The following SBF2 variants were observed in gnomAD, a reference collection of about 807,000 sequenced individuals.
The protein encoded by SBF2 is SET binding factor 2, also known as myotubularin-related protein 13.
A neutral mutation model predicts 225.2 loss-of-function variants in SBF2; 112 were observed. The observed-to-expected ratio is 0.50, with a 90% CI of 0.43 to 0.58. The LOEUF (loss-of-function observed/expected upper bound fraction) is 0.58. Among genes scored for constraint, SBF2 ranks in the 20% least tolerant of loss-of-function variants. The pLI is 0.00. For missense variants in SBF2, 1,996 were observed against 2,206.2 expected, an observed-to-expected ratio of 0.90 and a Z score of 1.91; for synonymous variants, 763 against 773.3, an observed-to-expected ratio of 0.99 and a Z score of 0.22.
intron 2 of SBF2, among the ~76,000 whole-genome samples, chr11:10,076,693 G>C (rs1369140563): frequency 6.6e-6 from 1 of 152,236 alleles, no homozygotes; most frequent in African/African-American, 2.4e-5. Flanking sequence ...TGGACTTCAG[G>C]CAGGTCCCAC....
chr11:10,232,496 C>G (rs1197791586), intron 1 of SBF2, among the ~76,000 whole-genome samples: 4 of 152,092 alleles, frequency 2.6e-5, no homozygotes, highest in Admixed American at 1.3e-4. Context: ...AATACATAGA[C>G]CAAAATGTTA....
At chr11:9,898,223 G>A (rs934124672) in intron 16 of SBF2, among the ~76,000 whole-genome samples, 1 of 152,200 alleles carries the variant, frequency 6.6e-6, no homozygotes, top group Non-Finnish European at 1.5e-5. Flanking sequence ...TAGCCTAGAA[G>A]TGGCCATCTA....
intron 1 of SBF2, among the ~76,000 whole-genome samples, chr11:10,222,123 C>G (rs1958362124): frequency 6.6e-6 from 1 of 152,176 alleles, no homozygotes; most frequent in African/African-American, 2.4e-5. Flanking sequence ...ACAGAGCTTG[C>G]AGTTTTTGTC....
rs1958499438 is a variant in SBF2 at position 10,225,376 on chromosome 11, T to C, written c.56-31389A>G. Among the ~76,000 whole-genome samples, 3 of 151,584 alleles carry C rather than the reference T, an allele frequency of 2.0e-5. No individual in the cohort carries two copies. The South Asian group carries it at 6.2e-4, about 32-fold the overall frequency. On this transcript the variant is annotated intron_variant, in intron 1 of 39. Coordinates refer to ENST00000256190, the MANE Select transcript of SBF2 (RefSeq NM_030962.4). ...AGATAAATGAAAAAGATCTTTTTAA[T>C]AGAGGCAGCATTTTGAAAACCCAAT...
At chr11:10,202,333 CA>C (rs1418620616) in intron 1 of SBF2, among the ~76,000 whole-genome samples, 1 of 152,190 alleles carries the variant, frequency 6.6e-6, no homozygotes, top group African/African-American at 2.4e-5. Flanking sequence ...TGGGTAACAG[CA>C]GCAGCCTCAT....
At chr11:9,904,357 A>C (rs1861959395) in intron 16 of SBF2, among the ~76,000 whole-genome samples, 2 of 152,194 alleles carry the variant, frequency 1.3e-5, no homozygotes, top group Admixed American at 1.3e-4. Context: ...TAGGGATAAA[A>C]TGAAGCACTA....
At chr11:9,884,641 C>T (rs1207307594) in intron 17 of SBF2, among the ~76,000 whole-genome samples, 1 of 152,130 alleles carries the variant, frequency 6.6e-6, no homozygotes, top group Non-Finnish European at 1.5e-5. Context: ...CAAGCATTTG[C>T]CACAGAGCTG....
At chr11:10,182,179 A>T (rs1247226315) in intron 2 of SBF2, among the ~76,000 whole-genome samples, 1 of 152,202 alleles carries the variant, frequency 6.6e-6, no homozygotes, top group Non-Finnish European at 1.5e-5. Context: ...AGTAATTAGG[A>T]TGTATGGATG....
intron 3 of SBF2, among the ~76,000 whole-genome samples, chr11:10,039,631 G>T (rs1385410476): frequency 1.3e-5 from 2 of 151,872 alleles, no homozygotes; most frequent in African/African-American, 4.8e-5. Context: ...GCTAAAAAGA[G>T]AAATAACTTC....
chr11:9,846,946 T>C lies in SBF2; in HGVS notation c.2934+10A>G, dbSNP rs1416268592. 6.2e-7 allele frequency: 1 copy of C among 1,613,658 alleles called. No individual in the cohort carries two copies. Among genetic ancestry groups the C allele is most frequent in the Admixed American group, 1.7e-5 (1 of 60,014 alleles). Reference sequence around the variant, plus strand: ...TTGAATAGTAAAACAATGGCTTCCTTTTTTAATACCTGAAAAGATGCTGAT... The same window carrying C: ...TTGAATAGTAAAACAATGGCTTCCTCTTTTAATACCTGAAAAGATGCTGAT... On this transcript the variant is annotated intron_variant, in intron 23 of 39. Coordinates refer to ENST00000256190, the MANE Select transcript of SBF2 (RefSeq NM_030962.4).
At chr11:10,268,471 C>G (rs1565419108) in intron 1 of SBF2, among the ~76,000 whole-genome samples, 3 of 152,066 alleles carry the variant, frequency 2.0e-5, no homozygotes, top group Admixed American at 6.6e-5. Context: ...ACACAAAAAG[C>G]TACAATGGAT....
intron 1 of SBF2, among the ~76,000 whole-genome samples, chr11:10,254,900 C>CAAAAAAAAAAAAAAAAAA (rs71034757): frequency 5.7e-4 from 25 of 44,074 alleles, no homozygotes; most frequent in Admixed American, 8.1e-4. Flanking sequence ...GACTCTGTCT[C>CAAAAAAAAAAAAAAAAAA]AAAAAAAAAA....
At chr11:10,202,290 A>T (rs966046503) in intron 1 of SBF2, among the ~76,000 whole-genome samples, 3 of 152,120 alleles carry the variant, frequency 2.0e-5, no homozygotes, top group African/African-American at 7.2e-5. Flanking sequence ...ATTCACAATC[A>T]CTCTAGTAGT....
chr11:10,001,975 ATTT>A (rs1410413983), intron 7 of SBF2, among the ~76,000 whole-genome samples: 20 of 151,752 alleles, frequency 1.3e-4, no homozygotes, highest in Non-Finnish European at 2.5e-4. Flanking sequence ...CACTGTTTAG[ATTT>A]TATTTTGTTT....
At chr11:9,996,623 T>C (rs1475402504) in intron 9 of SBF2, among the ~76,000 whole-genome samples, 1 of 152,090 alleles carries the variant, frequency 6.6e-6, no homozygotes, top group Admixed American at 6.5e-5. Flanking sequence ...ACTCCTGACC[T>C]CGTGATCTGC....
chr11:9,878,727 T>A (rs1859497951), intron 17 of SBF2, among the ~76,000 whole-genome samples: 1 of 152,206 alleles, frequency 6.6e-6, no homozygotes, highest in African/African-American at 2.4e-5. Flanking sequence ...CTTCTAAGAT[T>A]ATAATTTTAA....
rs527632998 is a variant in SBF2, at chr11:10,268,417, T to C, written c.55+25598A>G. Reference sequence around the variant, plus strand: ...TCAAGTTCCCAAACAATTTGTTTTCTTCAAATCATGGTATTAGTGAACCTT... The same window carrying C: ...TCAAGTTCCCAAACAATTTGTTTTCCTCAAATCATGGTATTAGTGAACCTT... On this transcript the variant is annotated intron_variant, in intron 1 of 39. Transcript: ENST00000256190. 1.1e-4 allele frequency among the ~76,000 whole-genome samples: 16 copies of C among 152,342 alleles called. No individual in the cohort carries two copies. The South Asian group carries it at 1.4e-3, about 14-fold the overall frequency.
At chr11:10,229,127 A>C (rs1259079436) in intron 1 of SBF2, among the ~76,000 whole-genome samples, 2 of 151,968 alleles carry the variant, frequency 1.3e-5, no homozygotes, top group Non-Finnish European at 2.9e-5. Context: ...GTATTCTCTG[A>C]TGGTAGTTTG....
intron 16 of SBF2, among the ~76,000 whole-genome samples, chr11:9,930,338 G>A (rs866705993): frequency 6.6e-6 from 1 of 151,982 alleles, no homozygotes; most frequent in Admixed American, 6.6e-5. Flanking sequence ...TCAAAATAAT[G>A]ATGCTGAGTA....
Sources: gnomAD v4.1 joint callset for allele counts (sites outside exome capture counted in the v4.1 genomes callset) on GRCh38, gnomAD v4.1.1 for gene constraint, MANE v1.5 for transcripts, NCBI Gene and HGNC (gene_info 2026-07-23, HGNC 2026-07-21) for gene names.